The following GTF3C4 variants were observed in gnomAD, a reference collection of about 807,000 sequenced individuals.
GTF3C4 encodes general transcription factor IIIC subunit 4.
A neutral mutation model predicts 67.5 loss-of-function variants in GTF3C4; 28 were observed. The ratio of observed to expected loss-of-function variants is 0.41; its 90% CI spans 0.31 to 0.57. GTF3C4 has a LOEUF of 0.57. Ranked by LOEUF, GTF3C4 falls within the 20% of genes least tolerant of loss-of-function variation. The probability of loss-of-function intolerance (pLI) is 0.21; values close to 1 mark genes in which losing one functional copy is unlikely to be tolerated. For synonymous variants in GTF3C4, 409 were observed against 393.0 expected, an observed-to-expected ratio of 1.04 and a Z score of -0.48; for missense variants, 831 against 1,033.2, an observed-to-expected ratio of 0.80 and a Z score of 2.68.
Position 132,693,726 on chromosome 9 carries a change from T to C in GTF3C4, c.*4781T>C, listed in dbSNP as rs1278696636. 1 of 152,216 alleles carries C rather than the reference T, an allele frequency of 6.6e-6. No homozygotes were observed. The highest frequency in any genetic ancestry group is 2.4e-5 in the African/African-American group (1 of 41,460). The allele number at this position is 152,216 out of a possible 1,614,324, so 9.4% of individuals were successfully genotyped here. A position where few individuals can be genotyped will look rare whatever the true frequency, so the allele number is the denominator to read the frequency against. On this transcript the variant is annotated 3_prime_UTR_variant, in exon 5 of 5. Coordinates refer to ENST00000372146, the MANE Select transcript of GTF3C4 (RefSeq NM_012204.4). ...GATGGCTTTGAGGCATTTCATACTT[T>C]ACCAGTTTACATTTGGCTAGCAGAC...
intron 1 of GTF3C4, among the ~76,000 whole-genome samples, chr9:132,673,890 G>T (rs77158218): frequency 0.015 from 2,320 of 152,286 alleles, 60 homozygotes; most frequent in African/African-American, 0.053. Flanking sequence ...AGTGATTTAA[G>T]AATGTCAGAA....
Position 132,687,120 on chromosome 9 carries a change from A to G in GTF3C4, c.2316-119A>G, listed in dbSNP as rs149765091. On this transcript the variant is annotated intron_variant, in intron 3 of 4. Coordinates refer to ENST00000372146, the MANE Select transcript of GTF3C4 (RefSeq NM_012204.4). ...ATTGTTATGTGAATGTATGAGTATC[A>G]TGCTTTCATTTGGTTAATGTGTGGT... 160 of 739,770 alleles carry G rather than the reference A, an allele frequency of 2.2e-4. No individual in the cohort carries two copies. The African/African-American group carries it at 2.3e-3, about 11-fold the overall frequency. The allele number at this position is 739,770 out of a possible 1,614,324, so 45.8% of individuals were successfully genotyped here.
chr9:132,683,323 T>C (rs1835976625), intron 2 of GTF3C4, among the ~76,000 whole-genome samples: 2 of 152,354 alleles, frequency 1.3e-5, no homozygotes, highest in Non-Finnish European at 2.9e-5. Flanking sequence ...TACCCTGTTA[T>C]CACAGAGTAC....
chr9:132,685,014 ATTTTT>A (rs3041416), intron 3 of GTF3C4, among the ~76,000 whole-genome samples: 1 of 135,434 alleles, frequency 7.4e-6, no homozygotes, highest in Non-Finnish European at 1.6e-5. Flanking sequence ...AAATTTTTTA[ATTTTT>A]TTTTTTTTTT....
At chr9:132,687,649 A>T (rs1324365207) in intron 4 of GTF3C4, among the ~76,000 whole-genome samples, 3 of 152,230 alleles carry the variant, frequency 2.0e-5, no homozygotes, top group African/African-American at 7.2e-5. Flanking sequence ...TGACATAGAT[A>T]GATTATATTT....
chr9:132,678,488 T>TTG lies in GTF3C4; in HGVS notation c.870_871insGT (p.Gln291ValfsTer6). 1 of 1,614,208 alleles carries TTG rather than the reference T, an allele frequency of 6.2e-7. No homozygotes were observed. Among genetic ancestry groups the TTG allele is most frequent in the Non-Finnish European group, 8.5e-7 (1 of 1,180,028 alleles). On this transcript the variant is annotated frameshift_variant, in exon 2 of 5. Coordinates refer to ENST00000372146, the MANE Select transcript of GTF3C4 (RefSeq NM_012204.4). LOFTEE classifies it high-confidence loss of function. This position sits in a 1 kb window ranked among gnomAD's most constrained non-coding sequence, Gnocchi z 6.5. The stretch of plus-strand genomic sequence containing the variant: ...AACGGTAATATCGCCGTGTGGCAGT[T>TTG]TCAGCTGCCGTTTGTAGGAAAAGAA...
intron 1 of GTF3C4, among the ~76,000 whole-genome samples, chr9:132,672,911 G>T (rs1260811084): frequency 6.6e-6 from 1 of 152,352 alleles, no homozygotes; most frequent in East Asian, 1.9e-4. Context: ...TGGGCCGGGC[G>T]CGGTGGCTCA....
intron 3 of GTF3C4, among the ~76,000 whole-genome samples, chr9:132,685,814 A>G (rs532447164): frequency 6.6e-6 from 1 of 152,360 alleles, no homozygotes; most frequent in African/African-American, 2.4e-5. Flanking sequence ...AAGTTACTAT[A>G]TTATGGTGGT....
In GTF3C4 at chr9:132,691,086, G is replaced by A. The variant is rs1237225165; in HGVS notation, c.*2141G>A. Reference sequence around the variant, plus strand: ...ACTCACTGCAGGGACTGGACCCAATGGCATTGTTAAGACCCTAAAATCTAG... The same window carrying A: ...ACTCACTGCAGGGACTGGACCCAATAGCATTGTTAAGACCCTAAAATCTAG... On this transcript the variant is annotated 3_prime_UTR_variant, in exon 5 of 5. Transcript: ENST00000372146. 2 of 152,168 alleles carry A rather than the reference G, an allele frequency of 1.3e-5. No individual in the cohort carries two copies. Among genetic ancestry groups the A allele is most frequent in the South Asian group, 2.1e-4 (1 of 4,832 alleles). 9.4% of individuals were successfully genotyped at this position (152,168 alleles called of 1,614,324 possible).
Position 132,678,184 on chromosome 9 carries a change from A to G in GTF3C4, c.565A>G (p.Asn189Asp), listed in dbSNP as rs1835890204. The change falls in exon 2 of 5, where the codon AAT (asparagine) becomes GAT (aspartate). Residue 189 changes from asparagine to aspartate, a missense_variant. Physicochemically the swap from Asn to Asp is conservative, Grantham distance 23. Coordinates refer to ENST00000372146, the MANE Select transcript of GTF3C4 (RefSeq NM_012204.4). This position sits in a 1 kb window ranked among gnomAD's most constrained non-coding sequence, Gnocchi z 6.5. The stretch of plus-strand genomic sequence containing the variant: ...CCTCTTGGCAGCACTGACCATGGAC[A>G]ATCGCCTGACCATCCAGGCAAATCT... The part of the protein sequence containing the change: ...RCLLAALTMD[N>D]RLTIQANLNR... The G allele has an allele frequency of 6.2e-7, 1 of 1,614,140 alleles. No individual in the cohort carries two copies. The highest frequency in any genetic ancestry group is 1.3e-5 in the African/African-American group (1 of 74,944).
rs746319201 is a variant in GTF3C4, at chr9:132,678,876, A to C, written c.1257A>C (p.Thr419=). ...TGAATGTTCACAATTCCCATGTCAC[A>C]GGCCTTCACTCACTGCCAATTGTCT... ...AGLNVHNSHV[T]GLHSLPIVSM... is the part of the protein sequence containing the mutation. Residue 419 remains threonine, a synonymous_variant, in exon 2 of 5, where the codon ACA becomes ACC. Coordinates refer to ENST00000372146, the MANE Select transcript of GTF3C4 (RefSeq NM_012204.4). This position sits in a 1 kb window ranked among gnomAD's most constrained non-coding sequence, Gnocchi z 6.5. 9.9e-6 allele frequency: 16 copies of C among 1,614,078 alleles called. No homozygotes were observed. The South Asian group carries it at 1.8e-4, about 18-fold the overall frequency.
At chr9:132,682,448 A>G (rs886452633) in intron 2 of GTF3C4, among the ~76,000 whole-genome samples, 2 of 152,014 alleles carry the variant, frequency 1.3e-5, no homozygotes, top group Non-Finnish European at 2.9e-5. Flanking sequence ...ATTCGAAACT[A>G]GAAGGGCGCT....
In GTF3C4 at chr9:132,677,387, A is replaced by G. The variant is rs573893299; in HGVS notation, c.358-590A>G. ...ACTGCACTCCAGCCCGGGCGACAGA[A>G]TGAGACTCTGTCTTACTGTCCCATA... On this transcript the variant is annotated intron_variant, in intron 1 of 4. Coordinates refer to ENST00000372146, the MANE Select transcript of GTF3C4 (RefSeq NM_012204.4). Among the ~76,000 whole-genome samples the G allele has an allele frequency of 2.0e-5, 3 of 152,282 alleles. No individual in the cohort carries two copies. The South Asian group carries it at 6.2e-4, about 32-fold the overall frequency.
In GTF3C4 at chr9:132,679,879, T is replaced by C. The variant is rs1835915709; in HGVS notation, c.2184+76T>C. 1 of 1,341,432 alleles carries C rather than the reference T, an allele frequency of 7.5e-7. No individual in the cohort carries two copies. Among genetic ancestry groups the C allele is most frequent in the Admixed American group, 2.3e-5 (1 of 42,702 alleles). The allele number at this position is 1,341,432 out of a possible 1,614,324, so 83.1% of individuals were successfully genotyped here. On this transcript the variant is annotated intron_variant, in intron 2 of 4. Transcript: ENST00000372146. This position sits in a 1 kb window ranked among gnomAD's most constrained non-coding sequence, Gnocchi z 5.9. ...TGAGAAAGAAATGACCTAAATTGAG[T>C]TCCTGAAGCTCAACTTTTGCTTTGA...
Position 132,679,842 on chromosome 9 carries a change from C to G in GTF3C4, c.2184+39C>G, listed in dbSNP as rs760931309. On this transcript the variant is annotated intron_variant, in intron 2 of 4. Coordinates refer to ENST00000372146, the MANE Select transcript of GTF3C4 (RefSeq NM_012204.4). The surrounding 1 kb of genome is among the most constrained non-coding windows in gnomAD (Gnocchi z 5.9). Reference sequence around the variant, plus strand: ...AACAAAAACTCTGAAATTGTAAAGCCTGCTTTCTTCATGAGAAAGAAATGA... The same window carrying G: ...AACAAAAACTCTGAAATTGTAAAGCGTGCTTTCTTCATGAGAAAGAAATGA... The G allele has an allele frequency of 6.6e-7, 1 of 1,514,354 alleles. No homozygotes were observed. Among genetic ancestry groups the G allele is most frequent in the South Asian group, 1.3e-5 (1 of 75,800 alleles). 93.8% of individuals were successfully genotyped at this position (1,514,354 alleles called of 1,614,324 possible). A position where few individuals can be genotyped will look rare whatever the true frequency, so the allele number is the denominator to read the frequency against.
chr9:132,689,144 A>T lies in GTF3C4; in HGVS notation c.*199A>T. On this transcript the variant is annotated 3_prime_UTR_variant, in exon 5 of 5. Transcript: ENST00000372146. ...CAGAGACTAAAGGATGTCCTTTGAA[A>T]TGGCTGGACTCAGAGAGTTGGAGTC... 1 of 564,696 alleles carries T rather than the reference A, an allele frequency of 1.8e-6. No individual in the cohort carries two copies. The highest frequency in any genetic ancestry group is 3.2e-6 in the Non-Finnish European group (1 of 314,672). The allele number at this position is 564,696 out of a possible 1,614,324, so 35.0% of individuals were successfully genotyped here. A position where few individuals can be genotyped will look rare whatever the true frequency, so the allele number is the denominator to read the frequency against.
chr9:132,675,895 CTT>C (rs72145516), intron 1 of GTF3C4, among the ~76,000 whole-genome samples: 34 of 89,020 alleles, frequency 3.8e-4, no homozygotes, highest in East Asian at 3.7e-4. Flanking sequence ...TCCAGTTACC[CTT>C]TTTTTTTTTT....
chr9:132,671,434 G>C (rs1835756411), intron 1 of GTF3C4, among the ~76,000 whole-genome samples: 1 of 152,130 alleles, frequency 6.6e-6, no homozygotes, highest in Admixed American at 6.6e-5. Context: ...AGAAAAACTG[G>C]TCCCATCCAT....
chr9:132,691,959 A>G lies in GTF3C4; in HGVS notation c.*3014A>G, dbSNP rs1182816180. The G allele has an allele frequency of 6.6e-6, 1 of 152,256 alleles. No individual in the cohort carries two copies. Among genetic ancestry groups the G allele is most frequent in the African/African-American group, 2.4e-5 (1 of 41,468 alleles). The allele number at this position is 152,256 out of a possible 1,614,324, so 9.4% of individuals were successfully genotyped here. A position where few individuals can be genotyped will look rare whatever the true frequency, so the allele number is the denominator to read the frequency against. ...TTTTGTAATTATAATGGTATCAAAT[A>G]AGATGCAAAAGAAGTTGATGCTTAT... On this transcript the variant is annotated 3_prime_UTR_variant, in exon 5 of 5. Coordinates refer to ENST00000372146, the MANE Select transcript of GTF3C4 (RefSeq NM_012204.4).
Sources: allele counts gnomAD v4.1 joint callset (sites outside exome capture counted in the v4.1 genomes callset), GRCh38; gene constraint gnomAD v4.1.1; non-coding constraint Gnocchi (gnomAD v3.1); transcripts MANE v1.5; gene names NCBI Gene and HGNC (gene_info 2026-07-23, HGNC 2026-07-21).